EPS15: variants seen among roughly 807,000 people sequenced by gnomAD.
EPS15 encodes the protein epidermal growth factor receptor pathway substrate 15.
A neutral mutation model predicts 113.8 loss-of-function variants in EPS15; 72 were observed. That is an observed-to-expected ratio of 0.63 (90% CI 0.52 to 0.77). The LOEUF (loss-of-function observed/expected upper bound fraction) is 0.77, where lower values mean the gene tolerates loss of function less well. Ranked by LOEUF, EPS15 falls within the 30% of genes least tolerant of loss-of-function variation. The probability of loss-of-function intolerance (pLI) is 0.00; values close to 1 mark genes in which losing one functional copy is unlikely to be tolerated. For synonymous variants in EPS15, 344 were observed against 363.4 expected, an observed-to-expected ratio of 0.95 and a Z score of 0.61; for missense variants, 1,048 against 1,045.8, an observed-to-expected ratio of 1.00 and a Z score of -0.03.
intron 1 of EPS15, among the ~76,000 whole-genome samples, chr1:51,485,331 T>C (rs1182796614): frequency 1.3e-5 from 2 of 152,252 alleles, no homozygotes; most frequent in Non-Finnish European, 2.9e-5. Flanking sequence ...AAAACTACTT[T>C]ATAAATCCAA....
chr1:51,356,773 C>T lies in EPS15; in HGVS notation c.2618G>A (p.Arg873Gln), dbSNP rs746863552. 5.0e-6 allele frequency: 8 copies of T among 1,613,818 alleles called. No individual in the cohort carries two copies. The highest frequency in any genetic ancestry group is 1.6e-4 in the Middle Eastern group (1 of 6,062). ...SEREEEQRLA[R>Q]LNQQEQEDLE... ...GTCTTCTTGTTCCTGCTGATTTAGTCGGGCAAGCCTCTGCTCTTCCTCTCT... is the reference window on the plus strand; with the variant it reads ...GTCTTCTTGTTCCTGCTGATTTAGTTGGGCAAGCCTCTGCTCTTCCTCTCT... The change falls in exon 25 of 25, where the codon CGA becomes CAA. Residue 873 changes from arginine to glutamine, a missense_variant. Physicochemically the swap from Arg to Gln is conservative, Grantham distance 43. Coordinates refer to ENST00000371733, the MANE Select transcript of EPS15 (RefSeq NM_001981.3).
chr1:51,484,627 A>G (rs1338187058), intron 1 of EPS15, among the ~76,000 whole-genome samples: 4 of 152,190 alleles, frequency 2.6e-5, no homozygotes, highest in Non-Finnish European at 5.9e-5. Context: ...TCTTGTTCTG[A>G]TTCTTTACAG....
Position 51,361,162 on chromosome 1 carries a change from A to C in EPS15, c.2544+9T>G, listed in dbSNP as rs760930252. 6.2e-6 allele frequency: 10 copies of C among 1,602,772 alleles called. No homozygotes were observed. Among genetic ancestry groups the C allele is most frequent in the Non-Finnish European group, 8.5e-6 (10 of 1,172,446 alleles). On this transcript the variant is annotated intron_variant, in intron 24 of 24. Transcript: ENST00000371733. ...TTTCTCCCCCAAACAGCTCATTCAC[A>C]GTACTTACAGCACTGAAGTTGGCAA...
intron 1 of EPS15, among the ~76,000 whole-genome samples, chr1:51,485,457 AT>A (rs1644103207): frequency 6.6e-6 from 1 of 152,166 alleles, no homozygotes; most frequent in Admixed American, 6.5e-5. Context: ...GCTGGGCATG[AT>A]GGCGCACACC....
intron 1 of EPS15, among the ~76,000 whole-genome samples, chr1:51,513,905 C>T (rs904872741): frequency 2.6e-5 from 4 of 152,026 alleles, no homozygotes; most frequent in Non-Finnish European, 5.9e-5. Flanking sequence ...TTACTTTACA[C>T]GTAGTTATTG....
intron 21 of EPS15, among the ~76,000 whole-genome samples, chr1:51,375,800 C>T (rs988015154): frequency 3.3e-5 from 5 of 152,080 alleles, no homozygotes; most frequent in Non-Finnish European, 7.4e-5. Context: ...AAAAGACTTA[C>T]GTTGTAACTA....
At position 51,356,631 on chromosome 1, in the gene EPS15, C is replaced by T. The variant is rs1215415582; in HGVS notation, c.*69G>A. 1.5e-6 allele frequency: 2 copies of T among 1,342,656 alleles called. No homozygotes were observed. The highest frequency in any genetic ancestry group is 2.1e-5 in the Admixed American group (1 of 47,450). 83.2% of individuals were successfully genotyped at this position (1,342,656 alleles called of 1,614,324 possible). ...CCCATGCTCACAGGTAGTTTTGATA[C>T]ACATTGTAAATAGTTTCAGTATTCA... On this transcript the variant is annotated 3_prime_UTR_variant, in exon 25 of 25. Transcript: ENST00000371733.
At chr1:51,431,307 G>A (rs971480869) in intron 12 of EPS15, among the ~76,000 whole-genome samples, 1 of 151,990 alleles carries the variant, frequency 6.6e-6, no homozygotes, top group East Asian at 1.9e-4. Context: ...TATATTTATG[G>A]GTGTAAGTAA....
Position 51,354,360 on chromosome 1 carries a change from G to A in EPS15, c.*2340C>T, listed in dbSNP as rs1457538252. 5.6e-6 allele frequency: 1 copy of A among 179,786 alleles called. No individual in the cohort carries two copies. Among genetic ancestry groups the A allele is most frequent in the Non-Finnish European group, 1.2e-5 (1 of 84,094 alleles). 11.1% of individuals were successfully genotyped at this position (179,786 alleles called of 1,614,324 possible). On this transcript the variant is annotated 3_prime_UTR_variant, in exon 25 of 25. Transcript: ENST00000371733. ...GATTGTATGTACCTACTCCTCCTTG[G>A]ACACAGCATGGACATAATCAGAGAA...
intron 2 of EPS15, among the ~76,000 whole-genome samples, chr1:51,478,859 C>T (rs1352206161): frequency 5.9e-5 from 9 of 152,156 alleles, no homozygotes; most frequent in African/African-American, 1.7e-4. Flanking sequence ...TTGTGGGTAA[C>T]GCGACCTTTC....
At chr1:51,514,271 C>T (rs758643489) in intron 1 of EPS15, among the ~76,000 whole-genome samples, 2 of 152,148 alleles carry the variant, frequency 1.3e-5, no homozygotes, top group African/African-American at 4.8e-5. Flanking sequence ...ATGAACTCTG[C>T]CTGGAGTAAC....
intron 1 of EPS15, among the ~76,000 whole-genome samples, chr1:51,492,397 T>C (rs1644250734): frequency 6.6e-6 from 1 of 152,110 alleles, no homozygotes. Flanking sequence ...AAGAAAGTTT[T>C]CAAAATCCAG....
chr1:51,516,603 G>A (rs1326384125), intron 1 of EPS15, among the ~76,000 whole-genome samples: 1 of 152,108 alleles, frequency 6.6e-6, no homozygotes, highest in Non-Finnish European at 1.5e-5. Context: ...GAAAAAGGAA[G>A]GAAGGCATAA....
chr1:51,423,632 A>C (rs1650967970), intron 12 of EPS15: 1 of 985,164 alleles, frequency 1.0e-6, no homozygotes, highest in South Asian at 4.7e-5. Flanking sequence ...ACAGTGTCAC[A>C]GATCAGCAGT....
At position 51,355,273 on chromosome 1, in the gene EPS15, C is replaced by A. The variant is rs1457976959; in HGVS notation, c.*1427G>T. The A allele has an allele frequency of 9.2e-6, 2 of 218,294 alleles. No homozygotes were observed. Among genetic ancestry groups the A allele is most frequent in the Non-Finnish European group, 1.8e-5 (2 of 108,686 alleles). 13.5% of individuals were successfully genotyped at this position (218,294 alleles called of 1,614,324 possible). ...TTTTGGAATTTATTTATAGGCTAGG[C>A]AATAAGTTACTCAGATTAACACAGA... On this transcript the variant is annotated 3_prime_UTR_variant, in exon 25 of 25. Coordinates refer to ENST00000371733, the MANE Select transcript of EPS15 (RefSeq NM_001981.3).
Position 51,406,039 on chromosome 1 carries a change from G to T in EPS15, c.1543C>A (p.Pro515Thr). 1 of 1,614,000 alleles carries T rather than the reference G, an allele frequency of 6.2e-7. No individual in the cohort carries two copies. Among genetic ancestry groups the T allele is most frequent in the Non-Finnish European group, 8.5e-7 (1 of 1,179,970 alleles). ...GCTCCGTTTACAAGAATGCTGTGTG[G>T]GCTACTGCACCAATTTAACTGACTA... Reference protein sequence around the residue: ...HNSQLNWCSSPHSILVNGATD... With the variant: ...HNSQLNWCSSTHSILVNGATD... The change falls in exon 16 of 25, where the codon CCA becomes ACA. Residue 515 changes from proline to threonine, a missense_variant. Pro to Thr is a conservative substitution (Grantham distance 38). Transcript: ENST00000371733.
chr1:51,404,451 A>T (rs1648903825), intron 16 of EPS15, among the ~76,000 whole-genome samples: 1 of 152,146 alleles, frequency 6.6e-6, no homozygotes, highest in African/African-American at 2.4e-5. Flanking sequence ...TAACCTAGTA[A>T]TCTGCCTTTT....
intron 20 of EPS15, 37 bp downstream of exon 20, chr1:51,398,995 T>C (rs374975492): frequency 1.5e-5 from 24 of 1,582,758 alleles, no homozygotes; most frequent in Non-Finnish European, 2.1e-5. Flanking sequence ...ACACTTATTA[T>C]CCATTTAACT....
chr1:51,361,257 G>C lies in EPS15; in HGVS notation c.2458C>G (p.Pro820Ala), dbSNP rs778896057. Residue 820 changes from proline to alanine, a missense_variant, in exon 24 of 25, where the codon CCT (proline) becomes GCT (alanine). Physicochemically the swap from Pro to Ala is conservative, Grantham distance 27. Transcript: ENST00000371733. The part of the protein sequence containing the change: ...PGNDSPKEKD[P>A]EIFCDPFTSA... ...GTGAATGGATCACAAAATATTTCAGGATCTTTTTCTTTGGGGCTATCGTTG... is the reference window on the plus strand; with the variant it reads ...GTGAATGGATCACAAAATATTTCAGCATCTTTTTCTTTGGGGCTATCGTTG... 2.5e-6 allele frequency: 4 copies of C among 1,613,770 alleles called. No homozygotes were observed. Among genetic ancestry groups the C allele is most frequent in the Non-Finnish European group, 2.5e-6 (3 of 1,179,726 alleles).
Sources: gnomAD v4.1 joint callset for allele counts (sites outside exome capture counted in the v4.1 genomes callset) on GRCh38, gnomAD v4.1.1 for gene constraint, MANE v1.5 for transcripts, NCBI Gene and HGNC (gene_info 2026-07-23, HGNC 2026-07-21) for gene names.